The following CMIP variants were observed in gnomAD, a reference collection of about 807,000 sequenced individuals.
CMIP encodes the protein c-Maf inducing protein.
A neutral mutation model predicts 97.3 loss-of-function variants in CMIP; 13 were observed. The observed-to-expected ratio is 0.13, with a 90% CI of 0.09 to 0.21. The LOEUF is 0.21. Among genes scored for constraint, CMIP ranks in the 10% least tolerant of loss-of-function variants. The pLI, the probability that CMIP is intolerant of heterozygous loss-of-function variation, is 1.00. For synonymous variants in CMIP, 538 were observed against 436.3 expected (o/e 1.23, Z -2.91); for missense variants, 847 against 1,024.9 (o/e 0.83, Z 2.37).
At chr16:81,533,186 T>C (rs1178971890) in intron 1 of CMIP, among the ~76,000 whole-genome samples, 1 of 152,254 alleles carries the variant, frequency 6.6e-6, no homozygotes, top group Non-Finnish European at 1.5e-5. Flanking sequence ...GTTTCTTACT[T>C]ATTTTGTTTA....
At chr16:81,653,600 A>T (rs565741020) in intron 4 of CMIP, among the ~76,000 whole-genome samples, 74 of 152,300 alleles carry the variant, frequency 4.9e-4, no homozygotes, top group African/African-American at 1.7e-3. Context: ...CAGACTTCTC[A>T]TCTGGAGAAG....
chr16:81,475,203 TA>T (rs1490447588), intron 1 of CMIP, among the ~76,000 whole-genome samples: 4 of 152,024 alleles, frequency 2.6e-5, no homozygotes, highest in East Asian at 3.9e-4. Context: ...TCTAGGTGCA[TA>T]AAAAAAATTG....
At chr16:81,668,911 A>T (rs2092642899) in intron 7 of CMIP, among the ~76,000 whole-genome samples, 1 of 72,624 alleles carries the variant, frequency 1.4e-5, no homozygotes, top group Admixed American at 1.6e-4. Flanking sequence ...CACCTTCCAC[A>T]CCCACCTCAC....
chr16:81,599,901 C>T (rs1265648476), intron 1 of CMIP, among the ~76,000 whole-genome samples: 2 of 152,154 alleles, frequency 1.3e-5, no homozygotes, highest in Non-Finnish European at 2.9e-5. Context: ...TGAATGTTAA[C>T]CACGGGCACC....
intron 1 of CMIP, among the ~76,000 whole-genome samples, chr16:81,494,335 A>G (rs889356907): frequency 1.1e-4 from 16 of 152,288 alleles, no homozygotes; most frequent in Non-Finnish European, 1.0e-4. Flanking sequence ...TGTGCTGGGA[A>G]TGGAGCAGAT....
intron 2 of CMIP, chr16:81,610,266 G>A: frequency 1.0e-6 from 1 of 974,866 alleles, no homozygotes; most frequent in Non-Finnish European, 1.2e-6. Context: ...TGACTCGCCT[G>A]GCCGCCGTGT....
chr16:81,615,890 G>C (rs1334183071), intron 2 of CMIP, among the ~76,000 whole-genome samples: 1 of 152,158 alleles, frequency 6.6e-6, no homozygotes, highest in Non-Finnish European at 1.5e-5. Flanking sequence ...CTGATGGAAA[G>C]ATGCTCATTG....
chr16:81,703,060 T>C (rs1907599654), intron 17 of CMIP, among the ~76,000 whole-genome samples: 2 of 152,132 alleles, frequency 1.3e-5, no homozygotes, highest in African/African-American at 4.8e-5. Context: ...AAGGGTCTTA[T>C]TTCCTTCTAT....
intron 3 of CMIP, chr16:81,631,703 C>T (rs767129662): frequency 6.6e-6 from 1 of 152,326 alleles, no homozygotes; most frequent in African/African-American, 2.4e-5. Flanking sequence ...TGGTTAGACT[C>T]TGTTAACTTG....
intron 6 of CMIP, 101 bp downstream of exon 6, chr16:81,661,047 C>T (rs1199838817): frequency 1.4e-6 from 2 of 1,451,444 alleles, no homozygotes; most frequent in African/African-American, 2.8e-5. Flanking sequence ...AACCTGGGCC[C>T]CACCGTCTTG....
intron 1 of CMIP, among the ~76,000 whole-genome samples, chr16:81,499,672 G>A (rs980362818): frequency 2.6e-5 from 4 of 152,242 alleles, no homozygotes; most frequent in African/African-American, 9.6e-5. Context: ...CTCTGCCCGG[G>A]GAGCAGAGGT....
intron 1 of CMIP, among the ~76,000 whole-genome samples, chr16:81,533,564 C>T (rs942707372): frequency 4.6e-5 from 7 of 152,142 alleles, no homozygotes; most frequent in East Asian, 1.9e-4. Flanking sequence ...CTGCAGCCTC[C>T]GTCTCCCGGG....
At chr16:81,612,705 A>T (rs902523232) in intron 2 of CMIP, among the ~76,000 whole-genome samples, 1 of 152,208 alleles carries the variant, frequency 6.6e-6, no homozygotes, top group African/African-American at 2.4e-5. Flanking sequence ...CCCTTTCAGC[A>T]TTCCAAAGAT....
intron 1 of CMIP, among the ~76,000 whole-genome samples, chr16:81,530,402 G>A (rs1254402880): frequency 6.6e-6 from 1 of 152,066 alleles, no homozygotes; most frequent in East Asian, 1.9e-4. Flanking sequence ...CTGCAAGGTG[G>A]GGTGTGTAGT....
chr16:81,499,529 C>G (rs948997561), intron 1 of CMIP, among the ~76,000 whole-genome samples: 1 of 152,244 alleles, frequency 6.6e-6, no homozygotes, highest in African/African-American at 2.4e-5. Flanking sequence ...GTCTCCTCAC[C>G]TTAGCATCCG....
intron 10 of CMIP, among the ~76,000 whole-genome samples, chr16:81,682,830 T>C (rs1905008612): frequency 6.6e-6 from 1 of 152,172 alleles, no homozygotes; most frequent in Non-Finnish European, 1.5e-5. Flanking sequence ...GTAACCTAAG[T>C]TGCAAAAATT....
At chr16:81,707,189 G>C in intron 20 of CMIP, 105 bp downstream of exon 20, 2 of 872,184 alleles carry the variant, frequency 2.3e-6, no homozygotes, top group South Asian at 1.4e-5. Flanking sequence ...AAAGGATGAT[G>C]ACATCTACAG....
chr16:81,465,133 G>A (rs758533646), intron 1 of CMIP, among the ~76,000 whole-genome samples: 1 of 152,166 alleles, frequency 6.6e-6, no homozygotes, highest in Non-Finnish European at 1.5e-5. Context: ...AAGAACTCGG[G>A]TTTGTTGTAG....
chr16:81,618,529 C>G (rs1231380312), intron 2 of CMIP: 6 of 152,260 alleles, frequency 3.9e-5, no homozygotes, highest in African/African-American at 1.4e-4. Context: ...CTCTCTGGCC[C>G]CCTTGGTGTG....
Sources: gnomAD v4.1 joint callset for allele counts (sites outside exome capture counted in the v4.1 genomes callset) on GRCh38, gnomAD v4.1.1 for gene constraint, MANE v1.5 for transcripts, NCBI Gene and HGNC (gene_info 2026-07-23, HGNC 2026-07-21) for gene names.